UNC5A: variants seen among roughly 807,000 people sequenced by gnomAD.
The protein encoded by UNC5A is unc-5 netrin receptor A, also known as netrin receptor UNC5A.
UNC5A carries 20 observed loss-of-function variants against 87.4 expected under a neutral mutation model. That is an observed-to-expected ratio of 0.23 (90% CI 0.16 to 0.33). UNC5A has a LOEUF of 0.33. Ranked by LOEUF, UNC5A falls within the 10% of genes least tolerant of loss-of-function variation. The pLI, the probability that UNC5A is intolerant of heterozygous loss-of-function variation, is 1.00. For missense variants in UNC5A, 844 were observed against 1,133.4 expected, an observed-to-expected ratio of 0.74 and a Z score of 3.67; for synonymous variants, 438 against 482.3, an observed-to-expected ratio of 0.91 and a Z score of 1.20.
At chr5:176,836,598 T>A (rs1460262149) in intron 1 of UNC5A, among the ~76,000 whole-genome samples, 1 of 151,822 alleles carries the variant, frequency 6.6e-6, no homozygotes, top group East Asian at 1.9e-4. Flanking sequence ...CTGGCCCACC[T>A]GGGACAGCCT....
Position 176,879,977 on chromosome 5 carries a change from G to A in UNC5A, c.*91G>A. On this transcript the variant is annotated 3_prime_UTR_variant, in exon 15 of 15. Coordinates refer to ENST00000329542, the MANE Select transcript of UNC5A (RefSeq NM_133369.3). ...GGACAGGGGCCCTTCCCCACACCGGGGAGAGCTGCTCGGACAGGCCCCCTC... is the reference window on the plus strand; with the variant it reads ...GGACAGGGGCCCTTCCCCACACCGGAGAGAGCTGCTCGGACAGGCCCCCTC... 6.1e-6 allele frequency: 9 copies of A among 1,469,518 alleles called. No homozygotes were observed. Among genetic ancestry groups the A allele is most frequent in the South Asian group, 1.3e-5 (1 of 74,814 alleles). The allele number at this position is 1,469,518 out of a possible 1,614,324, so 91.0% of individuals were successfully genotyped here.
At chr5:176,840,793 C>T (rs184223231) in intron 1 of UNC5A, among the ~76,000 whole-genome samples, 5 of 152,258 alleles carry the variant, frequency 3.3e-5, no homozygotes, top group Admixed American at 6.5e-5. Flanking sequence ...ACAAACGGGA[C>T]CAGACGACAG....
At chr5:176,812,813 G>T (rs1756494662) in intron 1 of UNC5A, among the ~76,000 whole-genome samples, 1 of 152,142 alleles carries the variant, frequency 6.6e-6, no homozygotes, top group Non-Finnish European at 1.5e-5. Flanking sequence ...GGTGGGGAGG[G>T]GCTGGCCCTA....
Position 176,838,614 on chromosome 5 carries a change from C to T in UNC5A, c.71-24010C>T, listed in dbSNP as rs781210674. On this transcript the variant is annotated intron_variant, in intron 1 of 14. Transcript: ENST00000329542. This position sits in a 1 kb window ranked among gnomAD's most constrained non-coding sequence, Gnocchi z 4.2. ...AACAGCACTCTGGAGCTACCCTGCT[C>T]GCTGTTCTGCTCTGTCTTCCCTGGT... 2.0e-5 allele frequency among the ~76,000 whole-genome samples: 3 copies of T among 152,280 alleles called. No individual in the cohort carries two copies. The highest frequency in any genetic ancestry group is 4.8e-5 in the African/African-American group (2 of 41,484).
At chr5:176,839,670 G>A (rs547709252) in intron 1 of UNC5A, among the ~76,000 whole-genome samples, 7 of 152,240 alleles carry the variant, frequency 4.6e-5, no homozygotes, top group Non-Finnish European at 1.0e-4. Flanking sequence ...CTGAGGATGT[G>A]CAGGGAGTGG....
rs1758240275 is a variant in UNC5A, at chr5:176,875,469, C to T, written c.1378+903C>T. On this transcript the variant is annotated intron_variant, in intron 8 of 14. Transcript: ENST00000329542. The surrounding 1 kb of genome is among the most constrained non-coding windows in gnomAD (Gnocchi z 5.2). ...TGACCTGCTGCTCGTCCTCTCTTGC[C>T]CCCCGCCAGCTTCAGTCCCACGCCA... Among the ~76,000 whole-genome samples, 1 of 152,100 alleles carries T rather than the reference C, an allele frequency of 6.6e-6. No individual in the cohort carries two copies. Among genetic ancestry groups the T allele is most frequent in the East Asian group, 1.9e-4 (1 of 5,192 alleles).
intron 10 of UNC5A, 39 bp downstream of exon 10, chr5:176,877,742 G>C: frequency 6.4e-7 from 1 of 1,558,186 alleles, no homozygotes; most frequent in Non-Finnish European, 8.7e-7. Flanking sequence ...AAGGGAACGT[G>C]GGCTAACTGC....
At chr5:176,873,833 C>A in intron 6 of UNC5A, 135 bp from the exon 7 acceptor site, 1 of 856,842 alleles carries the variant, frequency 1.2e-6, no homozygotes, top group Non-Finnish European at 1.8e-6. Context: ...ATGCTCCCTG[C>A]CACAAGCGTC....
At chr5:176,814,176 A>G (rs1756534626) in intron 1 of UNC5A, among the ~76,000 whole-genome samples, 5 of 152,024 alleles carry the variant, frequency 3.3e-5, no homozygotes, top group Admixed American at 3.3e-4. Flanking sequence ...TCCTCCACTC[A>G]GACTAAGGCA....
chr5:176,834,724 C>G (rs1291807515), intron 1 of UNC5A, among the ~76,000 whole-genome samples: 1 of 111,606 alleles, frequency 9.0e-6, no homozygotes, highest in African/African-American at 3.3e-5. Context: ...TCTCTCTCTC[C>G]CTCCTCTCCC....
chr5:176,816,204 C>T (rs1756582868), intron 1 of UNC5A, among the ~76,000 whole-genome samples: 1 of 152,240 alleles, frequency 6.6e-6, no homozygotes, highest in Admixed American at 6.5e-5. Context: ...CTGCCCAGCA[C>T]CTGCCACAGA....
chr5:176,821,753 GTCAC>G (rs1211859069), intron 1 of UNC5A, among the ~76,000 whole-genome samples: 6 of 152,220 alleles, frequency 3.9e-5, no homozygotes, highest in African/African-American at 1.4e-4. Flanking sequence ...CCTGACCAAG[GTCAC>G]TCCCAGCCCC....
chr5:176,867,671 T>C (rs1758006565), intron 2 of UNC5A, among the ~76,000 whole-genome samples: 1 of 152,236 alleles, frequency 6.6e-6, no homozygotes, highest in South Asian at 2.1e-4. Context: ...CGTCAGGATC[T>C]ATCTGCTAGC....
At chr5:176,857,112 C>T (rs1485455909) in intron 1 of UNC5A, among the ~76,000 whole-genome samples, 4 of 152,244 alleles carry the variant, frequency 2.6e-5, no homozygotes, top group Admixed American at 6.5e-5. Context: ...CCCTCTCACC[C>T]GCCCCTTTCT....
intron 1 of UNC5A, among the ~76,000 whole-genome samples, chr5:176,860,538 G>A (rs2149363038): frequency 6.6e-6 from 1 of 152,276 alleles, no homozygotes; most frequent in Non-Finnish European, 1.5e-5. Flanking sequence ...AAGTGACCAT[G>A]GCGAGCACAC....
chr5:176,862,897 G>GCCC (rs758583318), intron 2 of UNC5A, 52 bp downstream of exon 2: 2 of 1,600,074 alleles, frequency 1.2e-6, no homozygotes, highest in Admixed American at 3.4e-5. Flanking sequence ...GCGAGTTTCG[G>GCCC]CCCCCCCAGA....
At position 176,870,803 on chromosome 5, in the gene UNC5A, A is replaced by C. The variant is rs558259153; in HGVS notation, c.886+269A>C. 2.3e-4 allele frequency among the ~76,000 whole-genome samples: 31 copies of C among 135,152 alleles called. No homozygotes were observed. In the East Asian group the frequency reaches 4.6e-3, roughly 20 times the overall value. 88.7% of individuals were successfully genotyped at this position (135,152 alleles called of 152,430 possible). The stretch of plus-strand genomic sequence containing the variant: ...CACACTTACCCAACACCACAGCTTC[A>C]CATCTGCCCACACTCACCAACACCA... On this transcript the variant is annotated intron_variant, in intron 6 of 14. Coordinates refer to ENST00000329542, the MANE Select transcript of UNC5A (RefSeq NM_133369.3).
chr5:176,829,398 G>A (rs916675366), intron 1 of UNC5A, among the ~76,000 whole-genome samples: 2 of 139,352 alleles, frequency 1.4e-5, no homozygotes, highest in South Asian at 4.8e-4. Flanking sequence ...GGATGGATGG[G>A]TGGATGTATG....
chr5:176,845,250 C>T (rs1757376683), intron 1 of UNC5A, among the ~76,000 whole-genome samples: 1 of 152,216 alleles, frequency 6.6e-6, no homozygotes, highest in African/African-American at 2.4e-5. Context: ...AGAGCCCTCG[C>T]TCCAGAGCTC....
Sources: gnomAD v4.1 joint callset for allele counts (sites outside exome capture counted in the v4.1 genomes callset) on GRCh38, gnomAD v4.1.1 for gene constraint, Gnocchi (gnomAD v3.1) non-coding constraint, MANE v1.5 for transcripts, NCBI Gene and HGNC (gene_info 2026-07-23, HGNC 2026-07-21) for gene names.